Variants in FREM3 observed in about 807,000 individuals in gnomAD.
FREM3 encodes FRAS1-related extracellular matrix protein 3.
In FREM3, 105 loss-of-function variants were observed where a neutral mutation model predicts 129.1. That is an observed-to-expected ratio of 0.81 (90% CI 0.69 to 0.96). The LOEUF is 0.96. Ranked by LOEUF, FREM3 falls within the 40% of genes least tolerant of loss-of-function variation. FREM3 has a pLI of 0.00. For synonymous variants in FREM3, 1,014 were observed against 1,044.9 expected, an observed-to-expected ratio of 0.97 and a Z score of 0.57; for missense variants, 2,593 against 2,666.3, an observed-to-expected ratio of 0.97 and a Z score of 0.61.
intron 2 of FREM3, among the ~76,000 whole-genome samples, chr4:143,628,696 A>G (rs1445595484): frequency 3.3e-5 from 5 of 152,176 alleles, no homozygotes; most frequent in Non-Finnish European, 5.9e-5. Flanking sequence ...TACTTTAGAA[A>G]AAGCTGATGC....
chr4:143,628,892 C>T (rs567680448), intron 2 of FREM3, among the ~76,000 whole-genome samples: 85 of 152,100 alleles, frequency 5.6e-4, no homozygotes, highest in East Asian at 3.5e-3. Context: ...GAGTGGAGAG[C>T]GCTGCATTGG....
At chr4:143,621,275 T>A in intron 4 of FREM3, 113 bp from the exon 5 acceptor site, 1 of 942,236 alleles carries the variant, frequency 1.1e-6, no homozygotes, top group Non-Finnish European at 1.6e-6. Context: ...TCCAACATGA[T>A]TAACTGTATT....
intron 2 of FREM3, among the ~76,000 whole-genome samples, chr4:143,690,770 G>T (rs762073108): frequency 9.9e-5 from 15 of 152,190 alleles, no homozygotes; most frequent in Non-Finnish European, 2.1e-4. Flanking sequence ...AATGTTTAAA[G>T]TGAGTCCTTT....
chr4:143,672,786 C>A (rs568700218), intron 2 of FREM3, among the ~76,000 whole-genome samples: 1 of 152,158 alleles, frequency 6.6e-6, no homozygotes, highest in Non-Finnish European at 1.5e-5. Context: ...AGGCTTTGTT[C>A]ATTTCTTTTT....
At chr4:143,657,031 A>T (rs1204955643) in intron 2 of FREM3, among the ~76,000 whole-genome samples, 1 of 119,162 alleles carries the variant, frequency 8.4e-6, no homozygotes. Context: ...ATGGCATGAG[A>T]AAAAAATCCA....
intron 2 of FREM3, among the ~76,000 whole-genome samples, chr4:143,685,115 T>C (rs1478301820): frequency 6.6e-6 from 1 of 152,170 alleles, no homozygotes; most frequent in African/African-American, 2.4e-5. Flanking sequence ...CCAGCCTCGC[T>C]AGAGACATAG....
chr4:143,659,344 T>C (rs1739660318), intron 2 of FREM3, among the ~76,000 whole-genome samples: 1 of 151,968 alleles, frequency 6.6e-6, no homozygotes, highest in Admixed American at 6.6e-5. Context: ...CATGCGGTGT[T>C]TGGTTTTTTG....
intron 2 of FREM3, among the ~76,000 whole-genome samples, chr4:143,644,493 T>A (rs1472329156): frequency 6.6e-6 from 1 of 152,152 alleles, no homozygotes; most frequent in Non-Finnish European, 1.5e-5. Context: ...CCTGGAAATT[T>A]GTGATAAAAT....
chr4:143,648,073 G>A (rs887294565), intron 2 of FREM3, among the ~76,000 whole-genome samples: 2 of 152,214 alleles, frequency 1.3e-5, no homozygotes, highest in African/African-American at 4.8e-5. Context: ...GCATGACCTG[G>A]ATGTGAGACA....
At chr4:143,625,144 G>A (rs1210732406) in intron 3 of FREM3, among the ~76,000 whole-genome samples, 1 of 152,100 alleles carries the variant, frequency 6.6e-6, no homozygotes, top group Non-Finnish European at 1.5e-5. Flanking sequence ...ATGGTGAAAA[G>A]TGCTACCCCA....
At chr4:143,654,336 T>C (rs1330780261) in intron 2 of FREM3, among the ~76,000 whole-genome samples, 1 of 152,162 alleles carries the variant, frequency 6.6e-6, no homozygotes, top group Non-Finnish European at 1.5e-5. Context: ...ACTCCAGGCC[T>C]CAAGTGATCT....
At chr4:143,661,822 G>C (rs1319998302) in intron 2 of FREM3, among the ~76,000 whole-genome samples, 1 of 152,170 alleles carries the variant, frequency 6.6e-6, no homozygotes, top group East Asian at 1.9e-4. Context: ...TCTTGGGAGG[G>C]TGTATGTGTG....
intron 1 of FREM3, among the ~76,000 whole-genome samples, chr4:143,693,473 A>G (rs1740509195): frequency 1.3e-5 from 2 of 152,210 alleles, no homozygotes; most frequent in South Asian, 4.1e-4. Flanking sequence ...GATTGTAGAG[A>G]AAAAGGAACA....
At chr4:143,691,585 A>G (rs564851543) in intron 2 of FREM3, among the ~76,000 whole-genome samples, 119 of 152,336 alleles carry the variant, frequency 7.8e-4, no homozygotes, top group African/African-American at 2.8e-3. Flanking sequence ...TTACTTGCCT[A>G]TTACTTGTAT....
In FREM3 at chr4:143,577,654, G is replaced by A; in HGVS notation, c.6377C>T (p.Thr2126Ile). ...PNKTTIFIED[T>I]ITDCKQSACS... ...AGCACTCTGCTTACAGTCCGTGATGGTGTCCTCGATGAAAATGGTAGTTTT... is the reference window on the plus strand; with the variant it reads ...AGCACTCTGCTTACAGTCCGTGATGATGTCCTCGATGAAAATGGTAGTTTT... The change falls in exon 8 of 8, where the codon ACC becomes ATC. Residue 2126 changes from threonine (T) to isoleucine (I), a missense_variant. Physicochemically the swap from Thr to Ile is moderately conservative, Grantham distance 89 (BLOSUM62 -1). Transcript: ENST00000329798. 6.5e-7 allele frequency: 1 copy of A among 1,537,278 alleles called. No individual in the cohort carries two copies. The highest frequency in any genetic ancestry group is 8.7e-7 in the Non-Finnish European group (1 of 1,146,884).
intron 6 of FREM3, among the ~76,000 whole-genome samples, chr4:143,608,903 C>G (rs1292272312): frequency 2.0e-5 from 3 of 152,036 alleles, no homozygotes; most frequent in Non-Finnish European, 4.4e-5. Context: ...TTGTTTAGAG[C>G]AAAACTTTGA....
At chr4:143,680,832 T>C (rs897843294) in intron 2 of FREM3, among the ~76,000 whole-genome samples, 1 of 152,118 alleles carries the variant, frequency 6.6e-6, no homozygotes, top group Non-Finnish European at 1.5e-5. Context: ...GAGAGATTAA[T>C]TGAACTCTTG....
Position 143,675,330 on chromosome 4 carries a change from C to G in FREM3, c.5275+17783G>C, listed in dbSNP as rs1270018736. Among the ~76,000 whole-genome samples the G allele has an allele frequency of 2.0e-5, 3 of 152,098 alleles. No homozygotes were observed. The South Asian group carries it at 6.2e-4, about 32-fold the overall frequency. On this transcript the variant is annotated intron_variant, in intron 2 of 7. Coordinates refer to ENST00000329798, the MANE Select transcript of FREM3 (RefSeq NM_001168235.2). Reference sequence around the variant, plus strand: ...AAATGAAAGCAGAAATAAAGATGTTCTTTGAAACCAACGAGAACAAAGACA... The same window carrying G: ...AAATGAAAGCAGAAATAAAGATGTTGTTTGAAACCAACGAGAACAAAGACA...
intron 2 of FREM3, among the ~76,000 whole-genome samples, chr4:143,640,218 G>T (rs1171609476): frequency 6.6e-6 from 1 of 152,112 alleles, no homozygotes; most frequent in African/African-American, 2.4e-5. Flanking sequence ...GGAGCTGATT[G>T]CTCCAAATTA....
Sources: gnomAD v4.1 joint callset for allele counts (sites outside exome capture counted in the v4.1 genomes callset) on GRCh38, gnomAD v4.1.1 for gene constraint, MANE v1.5 for transcripts, NCBI Gene and HGNC (gene_info 2026-07-23, HGNC 2026-07-21) for gene names.